Variants in ARRB1 observed in about 807,000 individuals in gnomAD.
ARRB1 encodes beta-arrestin-1.
Under a neutral mutation model 56.8 loss-of-function variants are expected in ARRB1, and 21 were observed. The observed-to-expected ratio is 0.37, with a 90% CI of 0.26 to 0.53. The LOEUF (loss-of-function observed/expected upper bound fraction) is 0.53, where lower values mean the gene tolerates loss of function less well. Among genes scored for constraint, ARRB1 ranks in the 20% least tolerant of loss-of-function variants. The pLI, the probability that ARRB1 is intolerant of heterozygous loss-of-function variation, is 0.88. For missense variants in ARRB1, 424 were observed against 553.7 expected (o/e 0.77, Z 2.35); for synonymous variants, 210 against 218.6 (o/e 0.96, Z 0.35).
chr11:75,349,834 T>TC (rs1452154060), intron 1 of ARRB1, among the ~76,000 whole-genome samples: 1 of 151,812 alleles, frequency 6.6e-6, no homozygotes, highest in African/African-American at 2.4e-5. Flanking sequence ...TCTTCTGCCG[T>TC]CCCCCCCAAA....
At chr11:75,282,282 G>C in intron 5 of ARRB1, 1 of 429,228 alleles carries the variant, frequency 2.3e-6, no homozygotes. Flanking sequence ...ACTGTGGTTG[G>C]CAGAATAATG....
intron 1 of ARRB1, among the ~76,000 whole-genome samples, chr11:75,351,050 G>A (rs543994767): frequency 6.6e-6 from 1 of 152,298 alleles, no homozygotes; most frequent in East Asian, 1.9e-4. Context: ...TTGCTACAGC[G>A]AGTGCAGGTG....
intron 7 of ARRB1, among the ~76,000 whole-genome samples, chr11:75,279,373 C>T (rs1390490156): frequency 1.3e-5 from 2 of 152,182 alleles, no homozygotes; most frequent in East Asian, 3.9e-4. Flanking sequence ...GGGGAGAAGG[C>T]CCATGGATGA....
rs190663506 is a variant in ARRB1 at position 75,345,538 on chromosome 11, A to G, written c.20+6050T>C. On this transcript the variant is annotated intron_variant, in intron 1 of 15. Coordinates refer to ENST00000420843, the MANE Select transcript of ARRB1 (RefSeq NM_004041.5). ...GGCTCACATGGGAGACAAGGCCCCAACCTCAGGAGCCCCCGGTGTGATGGA... is the reference window on the plus strand; with the variant it reads ...GGCTCACATGGGAGACAAGGCCCCAGCCTCAGGAGCCCCCGGTGTGATGGA... Among the ~76,000 whole-genome samples the G allele has an allele frequency of 5.4e-3, 827 of 152,164 alleles. 9 individuals carry two copies. Among genetic ancestry groups the G allele is most frequent in the African/African-American group, 0.018 (752 of 41,498 alleles).
At chr11:75,322,808 A>G (rs1437816036) in intron 1 of ARRB1, among the ~76,000 whole-genome samples, 1 of 152,214 alleles carries the variant, frequency 6.6e-6, no homozygotes, top group African/African-American at 2.4e-5. Flanking sequence ...GGCAGATTCA[A>G]CTAGACTGCT....
chr11:75,320,528 A>G (rs1947330746), intron 1 of ARRB1, among the ~76,000 whole-genome samples: 1 of 152,138 alleles, frequency 6.6e-6, no homozygotes, highest in Admixed American at 6.5e-5. Context: ...GGATAGCCCC[A>G]CCAGAGATGG....
Position 75,316,195 on chromosome 11 carries a change from C to A in ARRB1, c.21-26156G>T, listed in dbSNP as rs554519796. 2.6e-5 allele frequency among the ~76,000 whole-genome samples: 4 copies of A among 152,138 alleles called. No homozygotes were observed. The South Asian group carries it at 6.2e-4, about 24-fold the overall frequency. ...TACAAAAATTAGCCAGGCATGATGG[C>A]GGGTGCCTGTAATCCCAGCTACTTG... On this transcript the variant is annotated intron_variant, in intron 1 of 15. Coordinates refer to ENST00000420843, the MANE Select transcript of ARRB1 (RefSeq NM_004041.5).
rs1946352791 is a variant in ARRB1, at chr11:75,281,956, A to G, written c.414+6T>C. On this transcript the variant is annotated splice_donor_region_variant and intron_variant, in intron 6 of 15. Transcript: ENST00000420843. Reference sequence around the variant, plus strand: ...CCAGAGAGATGGTCCCCTTGGGGTGACCTACCTTCCCCGTGTCTTCGGGCC... The same window carrying G: ...CCAGAGAGATGGTCCCCTTGGGGTGGCCTACCTTCCCCGTGTCTTCGGGCC... 1 of 1,613,926 alleles carries G rather than the reference A, an allele frequency of 6.2e-7. No individual in the cohort carries two copies. Among genetic ancestry groups the G allele is most frequent in the Non-Finnish European group, 8.5e-7 (1 of 1,179,848 alleles).
intron 1 of ARRB1, among the ~76,000 whole-genome samples, chr11:75,342,362 TG>T (rs1306573719): frequency 1.3e-5 from 2 of 152,064 alleles, no homozygotes; most frequent in African/African-American, 4.8e-5. Flanking sequence ...GAGCAATGCT[TG>T]GGTGGTTTAA....
At chr11:75,298,772 T>TG (rs946357687) in intron 1 of ARRB1, among the ~76,000 whole-genome samples, 1 of 146,796 alleles carries the variant, frequency 6.8e-6, no homozygotes, top group African/African-American at 2.6e-5. Context: ...CCAAAAAGAG[T>TG]GAAAAAAAAA....
Position 75,283,455 on chromosome 11 carries a change from G to T in ARRB1, c.186C>A (p.Arg62=). ...RVYVTLTCAF[R]YGREDLDVLG... Reference sequence around the variant, plus strand: ...GGACATCCAGGTCCTCCCGGCCATAGCGGAAGGCGCAGGTCAGCGTCACAT... The same window carrying T: ...GGACATCCAGGTCCTCCCGGCCATATCGGAAGGCGCAGGTCAGCGTCACAT... Residue 62 remains arginine (R), a synonymous_variant, in exon 5 of 16, where the codon CGC becomes CGA. Coordinates refer to ENST00000420843, the MANE Select transcript of ARRB1 (RefSeq NM_004041.5). 1 of 1,613,436 alleles carries T rather than the reference G, an allele frequency of 6.2e-7. No homozygotes were observed. Among genetic ancestry groups the T allele is most frequent in the Non-Finnish European group, 8.5e-7 (1 of 1,179,600 alleles).
At chr11:75,312,615 A>G (rs762120796) in intron 1 of ARRB1, among the ~76,000 whole-genome samples, 49 of 152,108 alleles carry the variant, frequency 3.2e-4, no homozygotes, top group Admixed American at 9.2e-4. Flanking sequence ...GATTCTGCAG[A>G]TGTGATTTTG....
At chr11:75,334,306 C>CA (rs11403871) in intron 1 of ARRB1, among the ~76,000 whole-genome samples, 102,349 of 109,856 alleles carry the variant, frequency 0.93, 48,449 homozygotes, top group Admixed American at 0.95. Context: ...CCGTCTCAAA[C>CA]AAAAAAAAAA....
intron 3 of ARRB1, 92 bp from the exon 4 acceptor site, chr11:75,284,371 T>C: frequency 7.8e-7 from 1 of 1,290,072 alleles, no homozygotes; most frequent in Non-Finnish European, 1.1e-6. Flanking sequence ...GATCCAACCA[T>C]CTGTTCATCT....
chr11:75,267,602 C>G (rs749495357), intron 15 of ARRB1, 50 bp downstream of exon 15: 4 of 1,462,858 alleles, frequency 2.7e-6, no homozygotes, highest in Non-Finnish European at 3.8e-6. Context: ...CCCTCCACCC[C>G]GCCCACCCGC....
chr11:75,312,265 G>A, intron 1 of ARRB1: 1 of 779,374 alleles, frequency 1.3e-6, no homozygotes, highest in South Asian at 1.5e-5. Flanking sequence ...CTGGGAAGGA[G>A]TGGGAGAAGA....
intron 6 of ARRB1, 123 bp downstream of exon 6, chr11:75,281,839 A>G (rs1946350337): frequency 1.0e-6 from 1 of 1,003,338 alleles, no homozygotes; most frequent in Non-Finnish European, 1.5e-6. Context: ...CTTAGCCTAG[A>G]CACAAAGACT....
intron 8 of ARRB1, 126 bp from the exon 9 acceptor site, chr11:75,277,574 T>C: frequency 2.5e-6 from 2 of 803,124 alleles, no homozygotes; most frequent in Non-Finnish European, 4.2e-6. Context: ...TTCAGAAGGG[T>C]CTGCTGCTCC....
intron 1 of ARRB1, chr11:75,303,687 C>T (rs1946958135): frequency 2.2e-6 from 1 of 456,272 alleles, no homozygotes; most frequent in Non-Finnish European, 4.4e-6. Flanking sequence ...AACAAGCAAG[C>T]CCTCCCTCAA....
Sources: allele counts gnomAD v4.1 joint callset (sites outside exome capture counted in the v4.1 genomes callset), GRCh38; gene constraint gnomAD v4.1.1; transcripts MANE v1.5; gene names NCBI Gene and HGNC (gene_info 2026-07-23, HGNC 2026-07-21).